KCNQ3: variants seen among roughly 807,000 people sequenced by gnomAD.
KCNQ3 encodes the protein potassium voltage-gated channel subfamily Q member 3.
A neutral mutation model predicts 92.5 loss-of-function variants in KCNQ3; 30 were observed. The ratio of observed to expected loss-of-function variants is 0.32; its 90% CI spans 0.24 to 0.44. The LOEUF (loss-of-function observed/expected upper bound fraction) is 0.44. Among genes scored for constraint, KCNQ3 ranks in the 20% least tolerant of loss-of-function variants. The pLI, the probability that KCNQ3 is intolerant of heterozygous loss-of-function variation, is 1.00. For synonymous variants in KCNQ3, 450 were observed against 468.8 expected, an observed-to-expected ratio of 0.96 and a Z score of 0.52; for missense variants, 913 against 1,140.3, an observed-to-expected ratio of 0.80 and a Z score of 2.87.
At chr8:132,277,888 C>T (rs538527898) in intron 1 of KCNQ3, 1 of 923,776 alleles carries the variant, frequency 1.1e-6, no homozygotes, top group African/African-American at 1.8e-5. Context: ...TATAATGATC[C>T]CCCTGTCTCT....
intron 1 of KCNQ3, among the ~76,000 whole-genome samples, chr8:132,414,871 C>T (rs1414230890): frequency 6.6e-6 from 1 of 152,212 alleles, no homozygotes; most frequent in Non-Finnish European, 1.5e-5. Context: ...AATAAGAAAT[C>T]AGAGGAGTGA....
At chr8:132,364,734 G>T (rs1455440246) in intron 1 of KCNQ3, among the ~76,000 whole-genome samples, 2 of 147,654 alleles carry the variant, frequency 1.4e-5, no homozygotes, top group Admixed American at 1.3e-4. Flanking sequence ...ATGAATGGAT[G>T]GGTGGCTGGT....
At chr8:132,369,335 G>A (rs1017102855) in intron 1 of KCNQ3, among the ~76,000 whole-genome samples, 57 of 152,230 alleles carry the variant, frequency 3.7e-4, no homozygotes, top group African/African-American at 1.3e-3. Flanking sequence ...AAGGGGTGGG[G>A]AGTTATGTTC....
At chr8:132,413,813 C>T (rs1183132254) in intron 1 of KCNQ3, among the ~76,000 whole-genome samples, 1 of 152,226 alleles carries the variant, frequency 6.6e-6, no homozygotes, top group Non-Finnish European at 1.5e-5. Context: ...CTCCAAGAAG[C>T]AGGGCTTCCT....
At chr8:132,340,300 A>G (rs182570384) in intron 1 of KCNQ3, among the ~76,000 whole-genome samples, 99 of 152,316 alleles carry the variant, frequency 6.5e-4, no homozygotes, top group Non-Finnish European at 1.2e-3. Context: ...TACTATAAGG[A>G]CGCATGCACA....
chr8:132,173,566 G>T (rs1327779332), intron 6 of KCNQ3, among the ~76,000 whole-genome samples: 1 of 152,094 alleles, frequency 6.6e-6, no homozygotes, highest in Non-Finnish European at 1.5e-5. Flanking sequence ...TAAGTCTCGG[G>T]TTTCACATTT....
chr8:132,280,059 A>G (rs1816465175), intron 1 of KCNQ3, among the ~76,000 whole-genome samples: 1 of 152,242 alleles, frequency 6.6e-6, no homozygotes, highest in African/African-American at 2.4e-5. Context: ...GATAACAGCA[A>G]TGAACAAGAA....
chr8:132,249,597 T>C (rs1442039639), intron 1 of KCNQ3, among the ~76,000 whole-genome samples: 2 of 152,216 alleles, frequency 1.3e-5, no homozygotes, highest in African/African-American at 4.8e-5. Context: ...TGGCTTCACC[T>C]AGTGGATCCT....
At chr8:132,222,959 T>C (rs1814283904) in intron 1 of KCNQ3, among the ~76,000 whole-genome samples, 1 of 152,216 alleles carries the variant, frequency 6.6e-6, no homozygotes, top group South Asian at 2.1e-4. Context: ...GCAAGAATGA[T>C]TGGAAATTAA....
chr8:132,436,233 G>A lies in KCNQ3; in HGVS notation c.386+43914C>T, dbSNP rs768837031. On this transcript the variant is annotated intron_variant, in intron 1 of 14. Coordinates refer to ENST00000388996, the MANE Select transcript of KCNQ3 (RefSeq NM_004519.4). ...AATAAAATTGTAAATACTTAGGTTT[G>A]GAAATGAACCTTAATTTTCACATTA... Among the ~76,000 whole-genome samples the A allele has an allele frequency of 5.2e-4, 79 of 152,176 alleles. 1 individual carries two copies. Among genetic ancestry groups the A allele is most frequent in the South Asian group, 2.1e-4 (1 of 4,820 alleles).
At chr8:132,194,693 G>A (rs754380697) in intron 1 of KCNQ3, among the ~76,000 whole-genome samples, 5 of 152,260 alleles carry the variant, frequency 3.3e-5, no homozygotes, top group East Asian at 1.9e-4. Context: ...AGCTAAAATC[G>A]TTTTTCTAAA....
intron 1 of KCNQ3, among the ~76,000 whole-genome samples, chr8:132,255,795 C>T (rs1815564847): frequency 6.6e-6 from 1 of 152,182 alleles, no homozygotes; most frequent in Non-Finnish European, 1.5e-5. Flanking sequence ...AGTGGGCACA[C>T]ATGAAAAGGA....
intron 1 of KCNQ3, among the ~76,000 whole-genome samples, chr8:132,197,910 G>A (rs752527364): frequency 6.6e-6 from 1 of 152,208 alleles, no homozygotes; most frequent in Non-Finnish European, 1.5e-5. Context: ...AAAAGGAAAA[G>A]ATTAAATATT....
At chr8:132,452,153 T>A (rs1372398226) in intron 1 of KCNQ3, among the ~76,000 whole-genome samples, 2 of 152,234 alleles carry the variant, frequency 1.3e-5, no homozygotes. Flanking sequence ...TTAACCACAT[T>A]CGCATCGTTG....
At chr8:132,397,548 T>C (rs1344223110) in intron 1 of KCNQ3, among the ~76,000 whole-genome samples, 1 of 152,202 alleles carries the variant, frequency 6.6e-6, no homozygotes, top group Non-Finnish European at 1.5e-5. Flanking sequence ...TAGATGCTCA[T>C]GAATTGCTGT....
chr8:132,155,947 T>A (rs919464627), intron 9 of KCNQ3, among the ~76,000 whole-genome samples: 2 of 152,136 alleles, frequency 1.3e-5, no homozygotes, highest in Non-Finnish European at 2.9e-5. Flanking sequence ...TTCTCTCAGT[T>A]AAACAGGTTT....
At chr8:132,244,092 C>T (rs920347108) in intron 1 of KCNQ3, among the ~76,000 whole-genome samples, 2 of 152,106 alleles carry the variant, frequency 1.3e-5, no homozygotes, top group Admixed American at 1.3e-4. Context: ...TCCTACACCC[C>T]CTGGAATCTC....
At chr8:132,150,357 CTTTCTGG>C in intron 9 of KCNQ3, among the ~76,000 whole-genome samples, 1 of 152,188 alleles carries the variant, frequency 6.6e-6, no homozygotes, top group East Asian at 1.9e-4. Flanking sequence ...GGAATTAGTC[CTTTCTGG>C]TTTGATATGT....
intron 1 of KCNQ3, among the ~76,000 whole-genome samples, chr8:132,455,517 T>A (rs546443019): frequency 4.1e-4 from 62 of 152,262 alleles, no homozygotes; most frequent in Non-Finnish European, 7.9e-4. Context: ...TTACTCCCTG[T>A]ACCTCCATTT....
Sources: allele counts gnomAD v4.1 joint callset (sites outside exome capture counted in the v4.1 genomes callset), GRCh38; gene constraint gnomAD v4.1.1; transcripts MANE v1.5; gene names NCBI Gene and HGNC (gene_info 2026-07-23, HGNC 2026-07-21).